Variants in ARMH3 observed in about 807,000 individuals in gnomAD.
ARMH3 encodes armadillo-like helical domain-containing protein 3.
Under a neutral mutation model 99.1 loss-of-function variants are expected in ARMH3, and 60 were observed. The ratio of observed to expected loss-of-function variants is 0.61; its 90% confidence interval spans 0.49 to 0.75. The LOEUF (loss-of-function observed/expected upper bound fraction) is 0.75. Among genes scored for constraint, ARMH3 ranks in the 30% least tolerant of loss-of-function variants. The pLI is 0.00. For synonymous variants in ARMH3, 285 were observed against 292.8 expected (o/e 0.97, Z 0.27); for missense variants, 679 against 843.1 (o/e 0.81, Z 2.41).
chr10:101,992,497 ATT>A (rs71016357), intron 17 of ARMH3, among the ~76,000 whole-genome samples: 21 of 143,728 alleles, frequency 1.5e-4, no homozygotes, highest in African/African-American at 3.1e-4. Context: ...CCTCAATGTA[ATT>A]TTTTTTTTTT....
At chr10:101,936,767 A>G (rs528666231) in intron 23 of ARMH3, among the ~76,000 whole-genome samples, 1 of 152,336 alleles carries the variant, frequency 6.6e-6, no homozygotes, top group South Asian at 2.1e-4. Context: ...AGTGTCCATC[A>G]ACGGATGAAT....
At chr10:102,029,869 C>A in intron 4 of ARMH3, 124 bp from the exon 5 acceptor site, 2 of 981,276 alleles carry the variant, frequency 2.0e-6, no homozygotes, top group Non-Finnish European at 2.9e-6. Flanking sequence ...TTCTGAGCTC[C>A]AAAACACAGT....
At chr10:102,025,118 C>G in intron 6 of ARMH3, 38 bp downstream of exon 6, 2 of 1,519,186 alleles carry the variant, frequency 1.3e-6, no homozygotes, top group Non-Finnish European at 1.8e-6. Context: ...ATTGCCCCTC[C>G]TGTCAATTAA....
chr10:102,014,035 A>T lies in ARMH3; in HGVS notation c.670-11T>A, dbSNP rs2066689503. 1.2e-6 allele frequency: 2 copies of T among 1,604,712 alleles called. No individual in the cohort carries two copies. Among genetic ancestry groups the T allele is most frequent in the Non-Finnish European group, 1.7e-6 (2 of 1,175,036 alleles). ...ATAAGGATTCACAGACTGTTAAATA[A>T]GAGAAGAGACTCCAGGTAAGTCTGA... On this transcript the variant is annotated splice_polypyrimidine_tract_variant and intron_variant, in intron 8 of 25. Transcript: ENST00000370033.
chr10:101,993,697 C>G, intron 16 of ARMH3, 94 bp from the exon 17 acceptor site: 1 of 836,162 alleles, frequency 1.2e-6, no homozygotes, highest in Non-Finnish European at 1.9e-6. Flanking sequence ...ACTTTGAGAA[C>G]TACTTTCAAG....
chr10:101,978,329 C>T (rs1846093026), intron 19 of ARMH3, among the ~76,000 whole-genome samples: 2 of 152,182 alleles, frequency 1.3e-5, no homozygotes, highest in South Asian at 4.1e-4. Context: ...TAGCTAGTGT[C>T]TCTGGCTCTC....
intron 15 of ARMH3, among the ~76,000 whole-genome samples, chr10:101,998,274 G>A (rs996287571): frequency 3.3e-5 from 5 of 152,176 alleles, no homozygotes; most frequent in African/African-American, 7.2e-5. Context: ...CTAGAGAAAG[G>A]AAGAGGTTAC....
chr10:101,872,249 A>ATGTG (rs1256548000), intron 24 of ARMH3, among the ~76,000 whole-genome samples: 6 of 143,480 alleles, frequency 4.2e-5, no homozygotes, highest in African/African-American at 1.5e-4. Context: ...CTGTGTAACA[A>ATGTG]CGTGTGTGTG....
chr10:101,964,290 A>G (rs930228048), intron 20 of ARMH3, among the ~76,000 whole-genome samples: 2 of 152,186 alleles, frequency 1.3e-5, no homozygotes, highest in Non-Finnish European at 2.9e-5. Context: ...GATTACAGGC[A>G]TGAGCCATCA....
chr10:101,905,838 T>C (rs993846921), intron 23 of ARMH3, among the ~76,000 whole-genome samples: 14 of 152,260 alleles, frequency 9.2e-5, no homozygotes, highest in African/African-American at 3.1e-4. Flanking sequence ...TGAATGCTTA[T>C]ATACCTACCA....
At chr10:101,911,479 G>A (rs1198116874) in intron 23 of ARMH3, among the ~76,000 whole-genome samples, 2 of 152,224 alleles carry the variant, frequency 1.3e-5, no homozygotes, top group Admixed American at 6.5e-5. Context: ...GCTTGTACCT[G>A]TAATCCCAGC....
intron 8 of ARMH3, among the ~76,000 whole-genome samples, chr10:102,017,899 A>G (rs577214612): frequency 1.3e-5 from 2 of 152,256 alleles, no homozygotes; most frequent in African/African-American, 4.8e-5. Flanking sequence ...CTCTTCTTAT[A>G]AGAATAAGCT....
At chr10:102,006,076 T>C (rs2066480041) in intron 14 of ARMH3, among the ~76,000 whole-genome samples, 1 of 152,272 alleles carries the variant, frequency 6.6e-6, no homozygotes, top group Non-Finnish European at 1.5e-5. Flanking sequence ...TCTCAGTCTC[T>C]ACTCTCACTA....
chr10:101,862,160 CAG>C (rs1420485160), intron 24 of ARMH3, among the ~76,000 whole-genome samples: 1 of 146,670 alleles, frequency 6.8e-6, no homozygotes, highest in African/African-American at 2.5e-5. Context: ...CATGGGTAAA[CAG>C]AAATTATTTT....
chr10:102,050,518 A>G (rs1192808019), intron 1 of ARMH3, among the ~76,000 whole-genome samples: 1 of 152,166 alleles, frequency 6.6e-6, no homozygotes, highest in Non-Finnish European at 1.5e-5. Context: ...TTACACTTCT[A>G]TAGAAACTCC....
At position 102,043,184 on chromosome 10, in the gene ARMH3, C is replaced by G. The variant is rs115282459; in HGVS notation, c.-11-3059G>C. Among the ~76,000 whole-genome samples, 702 of 152,342 alleles carry G rather than the reference C, an allele frequency of 4.6e-3. 6 individuals carry two copies. The highest frequency in any genetic ancestry group is 0.015 in the African/African-American group (625 of 41,586). On this transcript the variant is annotated intron_variant, in intron 1 of 25. Transcript: ENST00000370033. ...TTTTTCCTATTTCACAACCATCCCC[C>G]TCCTTCCCAGAGGAGAGAACCACCA...
At position 102,014,038 on chromosome 10, in the gene ARMH3, G is replaced by C. The variant is rs1387127700; in HGVS notation, c.670-14C>G. 6.2e-7 allele frequency: 1 copy of C among 1,600,690 alleles called. No homozygotes were observed. On this transcript the variant is annotated splice_polypyrimidine_tract_variant and intron_variant, in intron 8 of 25. Coordinates refer to ENST00000370033, the MANE Select transcript of ARMH3 (RefSeq NM_024541.3). ...AGGATTCACAGACTGTTAAATAAGA[G>C]AAGAGACTCCAGGTAAGTCTGACCT...
At chr10:101,932,459 A>G (rs1410534653) in intron 23 of ARMH3, among the ~76,000 whole-genome samples, 1 of 152,240 alleles carries the variant, frequency 6.6e-6, no homozygotes, top group African/African-American at 2.4e-5. Flanking sequence ...AGATTTACAT[A>G]CACTCATGTT....
chr10:101,999,963 G>A (rs1305400797), intron 15 of ARMH3, among the ~76,000 whole-genome samples: 1 of 152,124 alleles, frequency 6.6e-6, no homozygotes, highest in East Asian at 1.9e-4. Flanking sequence ...CATGCCTGTA[G>A]TCCCAGCTAC....
Sources: allele counts gnomAD v4.1 joint callset (sites outside exome capture counted in the v4.1 genomes callset), GRCh38; gene constraint gnomAD v4.1.1; transcripts MANE v1.5; gene names NCBI Gene and HGNC (gene_info 2026-07-23, HGNC 2026-07-21).